PDZD2: variants seen among roughly 807,000 people sequenced by gnomAD.
PDZD2 encodes PDZ domain containing 2, also known as PDZ domain-containing protein 2.
In PDZD2, 90 loss-of-function variants were observed where a neutral mutation model predicts 220.7. The observed-to-expected ratio is 0.41, with a 90% CI of 0.34 to 0.49. PDZD2 has a LOEUF of 0.49. Ranked by LOEUF, PDZD2 falls within the 20% of genes least tolerant of loss-of-function variation. The pLI, the probability that PDZD2 is intolerant of heterozygous loss-of-function variation, is 0.28. For missense variants in PDZD2, 3,174 were observed against 3,608.5 expected, an observed-to-expected ratio of 0.88 and a Z score of 3.08; for synonymous variants, 1,375 against 1,450.5, an observed-to-expected ratio of 0.95 and a Z score of 1.18.
intron 1 of PDZD2, among the ~76,000 whole-genome samples, chr5:31,753,224 G>A (rs1376108725): frequency 1.3e-5 from 2 of 152,052 alleles, no homozygotes; most frequent in Non-Finnish European, 2.9e-5. Context: ...TCTTCATAAC[G>A]CTCTTTAAGC....
At chr5:31,964,504 T>C (rs1313659854) in intron 2 of PDZD2, among the ~76,000 whole-genome samples, 7 of 152,194 alleles carry the variant, frequency 4.6e-5, no homozygotes, top group African/African-American at 2.4e-5. Context: ...GTTGTTTTTT[T>C]CCCACTACCA....
chr5:31,843,834 T>C (rs1757452628), intron 2 of PDZD2: 1 of 152,206 alleles, frequency 6.6e-6, no homozygotes, highest in Non-Finnish European at 1.5e-5. Flanking sequence ...ACAACGTGGC[T>C]TTTGAGATGT....
chr5:32,091,236 G>A, intron 20 of PDZD2, 61 bp downstream of exon 20: 3 of 933,944 alleles, frequency 3.2e-6, no homozygotes, highest in Middle Eastern at 2.9e-4. Context: ...AATAGTTTTA[G>A]ATTTATAGAA....
intron 2 of PDZD2, among the ~76,000 whole-genome samples, chr5:31,975,722 C>T (rs1244340636): frequency 6.6e-6 from 1 of 151,778 alleles, no homozygotes; most frequent in African/African-American, 2.4e-5. Context: ...GCTCTCTCTC[C>T]CTTTCTTTAT....
chr5:32,091,720 G>A (rs1336390141), intron 20 of PDZD2, among the ~76,000 whole-genome samples: 6 of 152,124 alleles, frequency 3.9e-5, no homozygotes, highest in Non-Finnish European at 7.3e-5. Context: ...TGCTAATATC[G>A]TTTTTCTGTC....
intron 1 of PDZD2, among the ~76,000 whole-genome samples, chr5:31,699,177 A>G (rs1478023726): frequency 6.6e-6 from 1 of 152,036 alleles, no homozygotes; most frequent in Non-Finnish European, 1.5e-5. Flanking sequence ...CACGTACCCA[A>G]CCCGTCCCGT....
rs189037458 is a variant in PDZD2, at chr5:31,747,102, G to A, written c.-360-51787G>A. Among the ~76,000 whole-genome samples the A allele has an allele frequency of 4.6e-3, 703 of 152,324 alleles. 3 individuals are homozygous for A. The highest frequency in any genetic ancestry group is 0.016 in the African/African-American group (665 of 41,566). On this transcript the variant is annotated intron_variant, in intron 1 of 24. Coordinates refer to ENST00000438447, the MANE Select transcript of PDZD2 (RefSeq NM_178140.4). ...AGGCAGGAGAATCGTTTGAACCTGG[G>A]AGGCAGAGGTTGCAGTGAGCCAAGA...
intron 2 of PDZD2, among the ~76,000 whole-genome samples, chr5:31,816,160 C>T (rs908469876): frequency 3.3e-5 from 5 of 151,666 alleles, no homozygotes; most frequent in South Asian, 4.2e-4. Context: ...TGGTGGCAGG[C>T]GCCTGTAGTC....
chr5:31,697,220 T>C (rs557286172), intron 1 of PDZD2, among the ~76,000 whole-genome samples: 141 of 152,352 alleles, frequency 9.3e-4, no homozygotes, highest in African/African-American at 3.2e-3. Flanking sequence ...CCCAGGACTT[T>C]GGGAGGCCAA....
intron 2 of PDZD2, among the ~76,000 whole-genome samples, chr5:31,955,394 A>G (rs146936152): frequency 0.015 from 2,236 of 151,704 alleles, 57 homozygotes; most frequent in African/African-American, 0.051. Context: ...TCTGCCTCCC[A>G]GATTCCAGCA....
chr5:31,975,793 C>CA (rs1749696297), intron 2 of PDZD2, among the ~76,000 whole-genome samples: 1 of 55,182 alleles, frequency 1.8e-5, no homozygotes, highest in African/African-American at 8.5e-5. Flanking sequence ...GTATCAGTCA[C>CA]TTTTTTTTTA....
chr5:32,091,168 T>G lies in PDZD2; in HGVS notation c.7720T>G (p.Ser2574Ala). The change falls in exon 20 of 25, where the codon TCA (serine) becomes GCA (alanine). Residue 2574 changes from serine (S) to alanine (A), a missense_variant. By Grantham distance (99) the Ser-to-Ala change is moderately conservative (BLOSUM62 1). Coordinates refer to ENST00000438447, the MANE Select transcript of PDZD2 (RefSeq NM_178140.4). ...GGATCTGCCTTTTAGAAGAAGCTGG[T>G]CAGTTAAGTAAGTATCTGCCCACTA... The part of the protein sequence containing the change: ...AQDLPFRRSW[S>A]VNLDQLLVSA... 6.4e-7 allele frequency: 1 copy of G among 1,561,060 alleles called. No individual in the cohort carries two copies. Among genetic ancestry groups the G allele is most frequent in the Non-Finnish European group, 8.7e-7 (1 of 1,148,232 alleles).
chr5:31,937,997 A>G (rs1168850371), intron 2 of PDZD2, among the ~76,000 whole-genome samples: 1 of 152,236 alleles, frequency 6.6e-6, no homozygotes, highest in Admixed American at 6.5e-5. Flanking sequence ...AACAAAGAAG[A>G]ATATAGGACA....
chr5:32,038,696 C>T (rs1156563443), intron 7 of PDZD2, among the ~76,000 whole-genome samples: 2 of 152,098 alleles, frequency 1.3e-5, no homozygotes, highest in African/African-American at 2.4e-5. Flanking sequence ...ACTGTGCCTG[C>T]TGGCTTAGTG....
chr5:32,042,131 A>T (rs780141648), intron 7 of PDZD2, among the ~76,000 whole-genome samples: 2 of 151,868 alleles, frequency 1.3e-5, no homozygotes, highest in Non-Finnish European at 2.9e-5. Flanking sequence ...GCATGGTGGC[A>T]GGCACCTATA....
In PDZD2 at chr5:31,836,658, G is replaced by A. The variant is rs537040338; in HGVS notation, c.476+36934G>A. 3.3e-5 allele frequency among the ~76,000 whole-genome samples: 5 copies of A among 152,216 alleles called. No homozygotes were observed. In the East Asian group the frequency reaches 9.6e-4, roughly 29 times the overall value. ...GACAAAAGCAGAGAGGTAGGCAAAG[G>A]TTTTTTATGATTCCCTCTAGAAATT... On this transcript the variant is annotated intron_variant, in intron 2 of 24. Transcript: ENST00000438447.
At chr5:31,688,243 GAA>G (rs5867093) in intron 1 of PDZD2, among the ~76,000 whole-genome samples, 5 of 151,118 alleles carry the variant, frequency 3.3e-5, no homozygotes, top group African/African-American at 9.7e-5. Context: ...TCTTACAAAA[GAA>G]AAAAAAAACT....
Position 32,108,532 on chromosome 5 carries a change from G to T in PDZD2, c.*397G>T. 6.4e-6 allele frequency: 1 copy of T among 155,540 alleles called. No individual in the cohort carries two copies. Among genetic ancestry groups the T allele is most frequent in the Non-Finnish European group, 1.4e-5 (1 of 69,966 alleles). 9.6% of individuals were successfully genotyped at this position (155,540 alleles called of 1,614,324 possible). On this transcript the variant is annotated 3_prime_UTR_variant, in exon 25 of 25. Coordinates refer to ENST00000438447, the MANE Select transcript of PDZD2 (RefSeq NM_178140.4). ...TGATCAGGGAACTAAAAGTCTGAGG[G>T]GGACACAAATGTCACACCTAAGAGG...
At chr5:32,028,684 GTTTTTTTTTTT>G (rs1287949594) in intron 6 of PDZD2, among the ~76,000 whole-genome samples, 1 of 97,512 alleles carries the variant, frequency 1.0e-5, no homozygotes, top group East Asian at 2.9e-4. Flanking sequence ...TGTTTTTTTT[GTTTTTTTTTTT>G]TTTTGAGACA....
Sources: allele counts gnomAD v4.1 joint callset (sites outside exome capture counted in the v4.1 genomes callset), GRCh38; gene constraint gnomAD v4.1.1; transcripts MANE v1.5; gene names NCBI Gene and HGNC (gene_info 2026-07-23, HGNC 2026-07-21).